The following FSCN1 variants were observed in gnomAD, a reference collection of about 807,000 sequenced individuals.
FSCN1 encodes fascin actin-bundling protein 1.
FSCN1 carries 10 observed loss-of-function variants against 39.7 expected under a neutral mutation model. That is an observed-to-expected ratio of 0.25 (90% CI 0.16 to 0.43). The LOEUF (loss-of-function observed/expected upper bound fraction) is 0.43. FSCN1 is among the 20% of genes least tolerant of loss of function. FSCN1 has a pLI of 1.00. For missense variants in FSCN1, 525 were observed against 723.8 expected (o/e 0.73, Z 3.15); for synonymous variants, 322 against 320.0 (o/e 1.01, Z -0.07).
At chr7:5,594,050 C>A (rs1196604715) in intron 1 of FSCN1, 5 of 409,562 alleles carry the variant, frequency 1.2e-5, no homozygotes, top group African/African-American at 4.3e-5. Flanking sequence ...TCCTAACCCC[C>A]CCCCCCGCCC....
intron 1 of FSCN1, among the ~76,000 whole-genome samples, chr7:5,600,540 T>G (rs1367866060): frequency 1.3e-5 from 2 of 152,088 alleles, no homozygotes; most frequent in African/African-American, 4.8e-5. Flanking sequence ...TCGCCCAGGC[T>G]GGAGTGCAGT....
Position 5,603,716 on chromosome 7 carries a change from G to T in FSCN1, c.1111+99G>T. On this transcript the variant is annotated intron_variant, in intron 3 of 4. Coordinates refer to ENST00000382361, the MANE Select transcript of FSCN1 (RefSeq NM_003088.4). This position sits in a 1 kb window ranked among gnomAD's most constrained non-coding sequence, Gnocchi z 8.5. The stretch of plus-strand genomic sequence containing the variant: ...TAGCCCCAGCCAAGGCCTGCTCTGT[G>T]CTGGGCATCCCCCCGGACTGGCCCC... 3 of 1,560,550 alleles carry T rather than the reference G, an allele frequency of 1.9e-6. No homozygotes were observed. The highest frequency in any genetic ancestry group is 2.6e-6 in the Non-Finnish European group (3 of 1,139,608).
intron 1 of FSCN1, among the ~76,000 whole-genome samples, chr7:5,594,248 A>G (rs1018718730): frequency 6.6e-6 from 1 of 152,066 alleles, no homozygotes; most frequent in Non-Finnish European, 1.5e-5. Context: ...TTCGCGGGCG[A>G]GATGGGGGAG....
rs1254886672 is a variant in FSCN1 at position 5,593,613 on chromosome 7, G to C, written c.677G>C (p.Cys226Ser). 6 of 1,560,614 alleles carry C rather than the reference G, an allele frequency of 3.8e-6. No homozygotes were observed. The highest frequency in any genetic ancestry group is 1.4e-5 in the African/African-American group (1 of 73,576). The change falls in exon 1 of 5, where the codon TGC becomes TCC. Residue 226 changes from cysteine (C) to serine (S), a missense_variant. Physicochemically the swap from Cys to Ser is moderately radical, Grantham distance 112 (BLOSUM62 -1). This residue lies in a region of FSCN1 where 246 missense variants were observed against 350.6 expected (regional missense o/e 0.70). Transcript: ENST00000382361. ...TCCGGCAAGGTGGCCTTCCGCGACT[G>C]CGAGGGCCGTTACCTGGCGCCGTCG... ...FRSGKVAFRDCEGRYLAPSGP... is the reference protein window; with the variant it reads ...FRSGKVAFRDSEGRYLAPSGP...
intron 1 of FSCN1, 186 bp downstream of exon 1, chr7:5,593,954 C>T (rs1785680498): frequency 1.8e-6 from 1 of 563,830 alleles, no homozygotes; most frequent in Non-Finnish European, 3.1e-6. Context: ...CTTTGCCCAT[C>T]CTCGGGTGCC....
In FSCN1 at chr7:5,599,725, G is replaced by A. The variant is rs953267220; in HGVS notation, c.833-3532G>A. Among the ~76,000 whole-genome samples the A allele has an allele frequency of 6.6e-6, 1 of 152,078 alleles. No individual in the cohort carries two copies. Among genetic ancestry groups the A allele is most frequent in the Non-Finnish European group, 1.5e-5 (1 of 68,000 alleles). On this transcript the variant is annotated intron_variant, in intron 1 of 4. Transcript: ENST00000382361. This position sits in a 1 kb window ranked among gnomAD's most constrained non-coding sequence, Gnocchi z 5.6. ...GGAGACTGAGGCAAGAGGATCCTTT[G>A]AGCCCAGGAGGTGGAGGCTGTAGAG...
chr7:5,603,494 A>C lies in FSCN1; in HGVS notation c.990-2A>C. On this transcript the variant is annotated splice_acceptor_variant, in intron 2 of 4. Transcript: ENST00000382361. LOFTEE classifies it high-confidence loss of function. The surrounding 1 kb of genome is among the most constrained non-coding windows in gnomAD (Gnocchi z 8.5). The stretch of plus-strand genomic sequence containing the variant: ...GCCTGACCCTGTCCCGCCATCCCCC[A>C]GGAATGCCAGCTGCTACTTTGACAT... 6.2e-7 allele frequency: 1 copy of C among 1,614,046 alleles called. No homozygotes were observed. Among genetic ancestry groups the C allele is most frequent in the Non-Finnish European group, 8.5e-7 (1 of 1,179,996 alleles).
chr7:5,594,368 G>A (rs190258357), intron 1 of FSCN1, among the ~76,000 whole-genome samples: 5,119 of 152,068 alleles, frequency 0.034, 271 homozygotes, highest in African/African-American at 0.12. Flanking sequence ...TGGTGGGGGG[G>A]GGCGCGGGGT....
chr7:5,593,833 T>G, intron 1 of FSCN1, 65 bp downstream of exon 1: 1 of 1,103,210 alleles, frequency 9.1e-7, no homozygotes, highest in Non-Finnish European at 1.3e-6. Flanking sequence ...CCCGCGCCCC[T>G]CCAGCCTCCC....
Position 5,603,258 on chromosome 7 carries a change from T to C in FSCN1, c.834T>C (p.Gly278=), listed in dbSNP as rs764782255. Residue 278 remains glycine, a splice_region_variant and synonymous_variant, in exon 2 of 5, where the codon GGT becomes GGC. Transcript: ENST00000382361. The surrounding 1 kb of genome is among the most constrained non-coding windows in gnomAD (Gnocchi z 8.5). ...ANERNVSTRQ[G]MDLSANQDEE... The stretch of plus-strand genomic sequence containing the variant: ...CAGCCCAAGGCCTCCTCTCTGCAGG[T>C]ATGGACCTGTCTGCCAATCAGGACG... The C allele has an allele frequency of 1.1e-5, 17 of 1,611,614 alleles. No homozygotes were observed. The highest frequency in any genetic ancestry group is 1.4e-5 in the Non-Finnish European group (17 of 1,179,886).
chr7:5,594,317 T>C (rs1785690213), intron 1 of FSCN1, among the ~76,000 whole-genome samples: 2 of 151,440 alleles, frequency 1.3e-5, no homozygotes, highest in African/African-American at 4.9e-5. Flanking sequence ...TGCCCGGCCT[T>C]CCTCCACCTC....
At position 5,594,052 on chromosome 7, in the gene FSCN1, C is replaced by CG. The variant is rs1307718209; in HGVS notation, c.832+284_832+285insG. The CG allele has an allele frequency of 2.2e-5, 9 of 414,016 alleles. 1 individual carries two copies. Among genetic ancestry groups the CG allele is most frequent in the Middle Eastern group, 6.0e-4 (1 of 1,654 alleles). 25.6% of individuals were successfully genotyped at this position (414,016 alleles called of 1,614,324 possible). A position where few individuals can be genotyped will look rare whatever the true frequency, so the allele number is the denominator to read the frequency against. On this transcript the variant is annotated intron_variant, in intron 1 of 4. Transcript: ENST00000382361. ...CGTACGTGCACCCTCCTAACCCCCC[C>CG]CCCCGCCCAATCTTGGCTCTCCCCA...
Position 5,593,761 on chromosome 7 carries a change from G to C in FSCN1, c.825G>C (p.Thr275=). The C allele has an allele frequency of 6.4e-7, 1 of 1,570,434 alleles. No individual in the cohort carries two copies. Among genetic ancestry groups the C allele is most frequent in the Non-Finnish European group, 8.6e-7 (1 of 1,163,126 alleles). The change falls in exon 1 of 5, where the codon ACG becomes ACC. Residue 275 remains threonine, a synonymous_variant. Coordinates refer to ENST00000382361, the MANE Select transcript of FSCN1 (RefSeq NM_003088.4). ...LQAANERNVS[T]RQGMDLSANQ... ...CGGCCAACGAGAGGAACGTGTCCAC[G>C]CGCCAGGGTGAGTGGGGACGCTGCC...
At chr7:5,601,125 A>G (rs1481134528) in intron 1 of FSCN1, among the ~76,000 whole-genome samples, 2 of 151,704 alleles carry the variant, frequency 1.3e-5, no homozygotes, top group African/African-American at 4.8e-5. Flanking sequence ...GGAATCATGT[A>G]AAGATGCCAT....
chr7:5,603,173 G>A lies in FSCN1; in HGVS notation c.833-84G>A. 1 of 1,495,712 alleles carries A rather than the reference G, an allele frequency of 6.7e-7. No individual in the cohort carries two copies. Among genetic ancestry groups the A allele is most frequent in the Non-Finnish European group, 9.2e-7 (1 of 1,090,992 alleles). The allele number at this position is 1,495,712 out of a possible 1,614,324, so 92.7% of individuals were successfully genotyped here. ...CACCCCGTGGTGTTACCTTGCGTGT[G>A]TAGTTCTGTGAGCTCAGGGCTATGG... is the stretch of plus-strand genomic sequence containing the variant. On this transcript the variant is annotated intron_variant, in intron 1 of 4. Transcript: ENST00000382361. This position sits in a 1 kb window ranked among gnomAD's most constrained non-coding sequence, Gnocchi z 8.5.
Position 5,603,818 on chromosome 7 carries a change from C to A in FSCN1, c.1112-45C>A, listed in dbSNP as rs769850994. 3 of 1,585,524 alleles carry A rather than the reference C, an allele frequency of 1.9e-6. No homozygotes were observed. The highest frequency in any genetic ancestry group is 2.2e-5 in the South Asian group (2 of 89,164). On this transcript the variant is annotated intron_variant, in intron 3 of 4. Transcript: ENST00000382361. The surrounding 1 kb of genome is among the most constrained non-coding windows in gnomAD (Gnocchi z 8.5). ...TCTCTGGTCACCCCAGCCTCCACCC[C>A]ACTCCCTGCCAGGAGGCTCACTGAC...
Position 5,605,015 on chromosome 7 carries a change from C to T in FSCN1, c.1280-257C>T, listed in dbSNP as rs1400320443. Among the ~76,000 whole-genome samples, 9 of 152,168 alleles carry T rather than the reference C, an allele frequency of 5.9e-5. No homozygotes were observed. Among genetic ancestry groups the T allele is most frequent in the South Asian group, 2.1e-4 (1 of 4,826 alleles). ...CTCGAACTCCTGACCTCAAGTGATC[C>T]GCCCACCTCAGCCTCCCAAAGTGCT... On this transcript the variant is annotated intron_variant, in intron 4 of 4. Coordinates refer to ENST00000382361, the MANE Select transcript of FSCN1 (RefSeq NM_003088.4). The surrounding 1 kb of genome is among the most constrained non-coding windows in gnomAD (Gnocchi z 6.9).
intron 1 of FSCN1, among the ~76,000 whole-genome samples, chr7:5,597,918 C>G (rs1412317391): frequency 6.6e-6 from 1 of 152,060 alleles, no homozygotes; most frequent in Non-Finnish European, 1.5e-5. Context: ...GGGCCTGTGA[C>G]TCAGGATTTC....
chr7:5,603,138 C>G lies in FSCN1; in HGVS notation c.833-119C>G. 2 of 1,178,152 alleles carry G rather than the reference C, an allele frequency of 1.7e-6. No homozygotes were observed. The highest frequency in any genetic ancestry group is 1.2e-6 in the Non-Finnish European group (1 of 823,736). The allele number at this position is 1,178,152 out of a possible 1,614,324, so 73.0% of individuals were successfully genotyped here. The stretch of plus-strand genomic sequence containing the variant: ...CATGTGTGCCACTGTGGGGACTCGG[C>G]CGCCCACCCCACCCCGTGGTGTTAC... On this transcript the variant is annotated intron_variant, in intron 1 of 4. Transcript: ENST00000382361. This position sits in a 1 kb window ranked among gnomAD's most constrained non-coding sequence, Gnocchi z 8.5.
Sources: gnomAD v4.1 joint callset for allele counts (sites outside exome capture counted in the v4.1 genomes callset) on GRCh38, gnomAD v4.1.1 for gene constraint, gnomAD v4.1.1 regional missense constraint, Gnocchi (gnomAD v3.1) non-coding constraint, MANE v1.5 for transcripts, NCBI Gene and HGNC (gene_info 2026-07-23, HGNC 2026-07-21) for gene names.